SYDE2: variants seen among roughly 807,000 people sequenced by gnomAD.
SYDE2 encodes the protein rho GTPase-activating protein SYDE2.
SYDE2 carries 76 observed loss-of-function variants against 91.5 expected under a neutral mutation model. The observed-to-expected ratio is 0.83, with a 90% CI of 0.69 to 1.01. The LOEUF (loss-of-function observed/expected upper bound fraction) is 1.01, where lower values mean the gene tolerates loss of function less well. Among genes scored for constraint, SYDE2 ranks in the 50% least tolerant of loss-of-function variants. The pLI, the probability that SYDE2 is intolerant of heterozygous loss-of-function variation, is 0.00. For missense variants in SYDE2, 1,364 were observed against 1,367.7 expected, an observed-to-expected ratio of 1.00 and a Z score of 0.04; for synonymous variants, 513 against 506.4, an observed-to-expected ratio of 1.01 and a Z score of -0.18.
intron 2 of SYDE2, 99 bp from the exon 3 acceptor site, chr1:85,183,299 C>G: frequency 9.1e-7 from 1 of 1,096,350 alleles, no homozygotes; most frequent in Non-Finnish European, 1.2e-6. Flanking sequence ...TTCACATAGG[C>G]AGAAATTCTT....
intron 1 of SYDE2, among the ~76,000 whole-genome samples, chr1:85,198,151 T>C (rs182537792): frequency 2.0e-4 from 31 of 152,312 alleles, no homozygotes; most frequent in African/African-American, 6.0e-4. Context: ...CAGGGGCTTT[T>C]TTCAAACTCA....
intron 5 of SYDE2, among the ~76,000 whole-genome samples, chr1:85,166,337 T>C (rs1402262378): frequency 1.5e-5 from 2 of 135,846 alleles, no homozygotes; most frequent in Admixed American, 1.5e-4. Flanking sequence ...AGACTCCGTC[T>C]CAAAAAAAAA....
intron 2 of SYDE2, among the ~76,000 whole-genome samples, chr1:85,188,485 C>T (rs1658240175): frequency 6.6e-6 from 1 of 152,090 alleles, no homozygotes; most frequent in African/African-American, 2.4e-5. Context: ...CTTCCTATGT[C>T]CCTGAGAAAA....
chr1:85,171,278 G>A (rs1330226704), intron 4 of SYDE2, among the ~76,000 whole-genome samples: 1 of 152,158 alleles, frequency 6.6e-6, no homozygotes, highest in Non-Finnish European at 1.5e-5. Flanking sequence ...GAGTGATTAA[G>A]AGAAGGCTCA....
intron 4 of SYDE2, among the ~76,000 whole-genome samples, chr1:85,176,853 T>C (rs531217550): frequency 1.1e-4 from 17 of 152,302 alleles, no homozygotes; most frequent in African/African-American, 4.1e-4. Flanking sequence ...GGATTTTTCA[T>C]AGTATTCTCT....
At chr1:85,195,158 TAAA>T (rs71818368) in intron 1 of SYDE2, among the ~76,000 whole-genome samples, 3 of 143,558 alleles carry the variant, frequency 2.1e-5, no homozygotes, top group Admixed American at 1.4e-4. Flanking sequence ...AGACTCCATC[TAAA>T]AAAAAAAAAA....
At chr1:85,185,167 T>G (rs913767183) in intron 2 of SYDE2, among the ~76,000 whole-genome samples, 2 of 148,576 alleles carry the variant, frequency 1.3e-5, no homozygotes, top group African/African-American at 4.9e-5. Flanking sequence ...CAAAAAATAT[T>G]TTAATTATAT....
chr1:85,186,450 A>T (rs1248210544), intron 2 of SYDE2, among the ~76,000 whole-genome samples: 4 of 152,206 alleles, frequency 2.6e-5, no homozygotes, highest in East Asian at 3.9e-4. Context: ...CAAGGTAATT[A>T]ATAGATTCAA....
chr1:85,195,633 G>A (rs1185514226), intron 1 of SYDE2, among the ~76,000 whole-genome samples: 1 of 152,074 alleles, frequency 6.6e-6, no homozygotes, highest in Non-Finnish European at 1.5e-5. Flanking sequence ...CTCTGAGACC[G>A]TTTTCAGTTC....
At chr1:85,163,000 A>C (rs955190237) in intron 6 of SYDE2, among the ~76,000 whole-genome samples, 2 of 152,206 alleles carry the variant, frequency 1.3e-5, no homozygotes, top group Non-Finnish European at 1.5e-5. Context: ...CAGGGTTTTA[A>C]AATAGTTAAA....
intron 4 of SYDE2, among the ~76,000 whole-genome samples, chr1:85,171,447 A>C (rs1657503840): frequency 6.6e-6 from 1 of 152,144 alleles, no homozygotes; most frequent in South Asian, 2.1e-4. Context: ...TCGAGGAAAA[A>C]TGTTTCAAGA....
intron 4 of SYDE2, among the ~76,000 whole-genome samples, chr1:85,173,144 AGTTAAATGAG>A (rs1300345525): frequency 6.6e-6 from 1 of 152,196 alleles, no homozygotes; most frequent in African/African-American, 2.4e-5. Flanking sequence ...GAGGTAATCA[AGTTAAATGAG>A]GTCACTAGGG....
chr1:85,169,331 T>G, intron 4 of SYDE2, 106 bp from the exon 5 acceptor site: 1 of 760,732 alleles, frequency 1.3e-6, no homozygotes. Flanking sequence ...TTTCAACATT[T>G]TGAAAACAAT....
Position 85,182,261 on chromosome 1 carries a change from A to G in SYDE2, c.2381T>C (p.Leu794Pro). 1.2e-6 allele frequency: 2 copies of G among 1,612,776 alleles called. No homozygotes were observed. Among genetic ancestry groups the G allele is most frequent in the Non-Finnish European group, 1.7e-6 (2 of 1,179,526 alleles). ...AAGAGAATTCTCCCACTGTTCCATAAGAGTCACTTTCACATAAATAAGACC... is the reference window on the plus strand; with the variant it reads ...AAGAGAATTCTCCCACTGTTCCATAGGAGTCACTTTCACATAAATAAGACC... ...PRGLIYVKVT[L>P]MEQWENSLHG... The change falls in exon 3 of 7, where the codon CTT becomes CCT. Residue 794 changes from leucine to proline, a missense_variant. By Grantham distance (98) the Leu-to-Pro change is moderately conservative. Transcript: ENST00000341460.
intron 2 of SYDE2, among the ~76,000 whole-genome samples, chr1:85,188,225 T>C (rs972128611): frequency 5.3e-5 from 8 of 152,142 alleles, no homozygotes; most frequent in Non-Finnish European, 1.2e-4. Flanking sequence ...CTATTCTATA[T>C]AGTATTTATT....
intron 6 of SYDE2, chr1:85,160,663 C>A: frequency 1.0e-6 from 1 of 985,396 alleles, no homozygotes; most frequent in Non-Finnish European, 1.2e-6. Flanking sequence ...CTTTTCCCCC[C>A]TCATTCTTTG....
intron 1 of SYDE2, among the ~76,000 whole-genome samples, chr1:85,199,941 T>G (rs140992280): frequency 2.1e-3 from 312 of 152,162 alleles, no homozygotes; most frequent in African/African-American, 7.2e-3. Context: ...CTACTAAAAG[T>G]GTGTTATACT....
intron 6 of SYDE2, among the ~76,000 whole-genome samples, chr1:85,162,748 A>G (rs1360282309): frequency 6.6e-6 from 1 of 152,204 alleles, no homozygotes; most frequent in Non-Finnish European, 1.5e-5. Flanking sequence ...AATGACCTTA[A>G]CCTCTGGCAC....
At chr1:85,197,103 C>T in intron 1 of SYDE2, among the ~76,000 whole-genome samples, 1 of 152,130 alleles carries the variant, frequency 6.6e-6, no homozygotes, top group East Asian at 1.9e-4. Context: ...AGTTGGCAAA[C>T]ACATTAAGAT....
Sources: gnomAD v4.1 joint callset for allele counts (sites outside exome capture counted in the v4.1 genomes callset) on GRCh38, gnomAD v4.1.1 for gene constraint, MANE v1.5 for transcripts, NCBI Gene and HGNC (gene_info 2026-07-23, HGNC 2026-07-21) for gene names.